The following TRAP1 variants were observed in gnomAD, a reference collection of about 807,000 sequenced individuals.
TRAP1 encodes TNF receptor associated protein 1.
TRAP1 carries 102 observed loss-of-function variants against 89.1 expected under a neutral mutation model. That is an observed-to-expected ratio of 1.15 (90% confidence interval 0.98 to 1.35). The LOEUF (loss-of-function observed/expected upper bound fraction) is 1.35. Ranked by LOEUF, TRAP1 falls within the 40% of genes most tolerant of loss-of-function variation. The probability of loss-of-function intolerance (pLI) is 0.00; values close to 1 mark genes in which losing one functional copy is unlikely to be tolerated. For missense variants in TRAP1, 1,256 were observed against 945.3 expected (o/e 1.33, Z -4.31); for synonymous variants, 508 against 388.0 (o/e 1.31, Z -3.64).
At chr16:3,716,760 TTC>T (rs1245739193) in intron 1 of TRAP1, among the ~76,000 whole-genome samples, 3 of 152,208 alleles carry the variant, frequency 2.0e-5, no homozygotes, top group Non-Finnish European at 4.4e-5. Context: ...GTTAGGGTCG[TTC>T]TCTCTGTTTT....
intron 6 of TRAP1, among the ~76,000 whole-genome samples, 160 bp downstream of exon 6, chr16:3,677,338 C>A (rs2051012198): frequency 6.6e-6 from 1 of 152,118 alleles, no homozygotes; most frequent in African/African-American, 2.4e-5. Context: ...CCACCTGGAG[C>A]CACAAAAGTC....
At chr16:3,671,926 G>A (rs757327999) in intron 10 of TRAP1, 135 bp from the exon 11 acceptor site, 12 of 917,670 alleles carry the variant, frequency 1.3e-5, no homozygotes, top group Non-Finnish European at 1.7e-5. Context: ...CAGGGAGGCG[G>A]CACTGCCGGA....
At chr16:3,704,636 C>G (rs374173421) in intron 1 of TRAP1, among the ~76,000 whole-genome samples, 1 of 152,234 alleles carries the variant, frequency 6.6e-6, no homozygotes, top group African/African-American at 2.4e-5. Flanking sequence ...GAGGCTCCCT[C>G]GAGCTCAGGA....
At chr16:3,694,064 G>A (rs961397705) in intron 1 of TRAP1, among the ~76,000 whole-genome samples, 2 of 151,764 alleles carry the variant, frequency 1.3e-5, no homozygotes, top group Non-Finnish European at 2.9e-5. Context: ...GGTGCCGAGG[G>A]AGAGTCCATC....
chr16:3,700,455 C>A (rs1231418776), intron 1 of TRAP1, among the ~76,000 whole-genome samples: 3 of 151,310 alleles, frequency 2.0e-5, no homozygotes, highest in Admixed American at 6.6e-5. Flanking sequence ...GTGTGAGCCA[C>A]CACGCCCAGA....
At chr16:3,686,373 G>A (rs1249712917) in intron 3 of TRAP1, among the ~76,000 whole-genome samples, 1 of 152,168 alleles carries the variant, frequency 6.6e-6, no homozygotes, top group Non-Finnish European at 1.5e-5. Flanking sequence ...ACTCAGGCTG[G>A]AGGCTGCAAT....
At chr16:3,680,003 G>T (rs1001451294) in intron 4 of TRAP1, 4 of 529,258 alleles carry the variant, frequency 7.6e-6, no homozygotes, top group Non-Finnish European at 1.4e-5. Flanking sequence ...GCCAAGGCAG[G>T]CGGATCACTT....
intron 6 of TRAP1, 92 bp downstream of exon 6, chr16:3,677,406 T>A (rs2051012996): frequency 1.3e-6 from 2 of 1,517,086 alleles, no homozygotes; most frequent in South Asian, 1.1e-5. Flanking sequence ...AAAATGCCTG[T>A]GTACGTTTTC....
rs577435806 is a variant in TRAP1, at chr16:3,705,364, C to T, written c.88+12057G>A. 5.3e-5 allele frequency among the ~76,000 whole-genome samples: 8 copies of T among 152,130 alleles called. 1 individual carries two copies. Among genetic ancestry groups the T allele is most frequent in the Admixed American group, 3.3e-4 (5 of 15,258 alleles). On this transcript the variant is annotated intron_variant, in intron 1 of 17. Coordinates refer to ENST00000246957, the MANE Select transcript of TRAP1 (RefSeq NM_016292.3). ...GATTACAGGCATGAGCCACCATGCC[C>T]GGACAACTACAGAACATTTTTATCA...
rs2051052824 is a variant in TRAP1 at position 3,679,912 on chromosome 16, A to G, written c.472-122T>C. 3 of 831,440 alleles carry G rather than the reference A, an allele frequency of 3.6e-6. No individual in the cohort carries two copies. The East Asian group carries it at 7.9e-5, about 22-fold the overall frequency. The allele number at this position is 831,440 out of a possible 1,614,324, so 51.5% of individuals were successfully genotyped here. On this transcript the variant is annotated intron_variant, in intron 4 of 17. Coordinates refer to ENST00000246957, the MANE Select transcript of TRAP1 (RefSeq NM_016292.3). ...TTGGCCAGACAGGGCCCAGCCAGGT[A>G]GCACCAGATGCTCATCAGAAAAGAC...
rs757804703 is a variant in TRAP1, at chr16:3,665,966, T to C, written c.1383+5A>G. The C allele has an allele frequency of 1.2e-6, 2 of 1,612,270 alleles. No homozygotes were observed. The highest frequency in any genetic ancestry group is 1.3e-5 in the African/African-American group (1 of 74,866). ...AGAAAAAGGCCTGGAACACAGCTCC[T>C]ATACCTTGACCTCCTGCTCGGTGGC... On this transcript the variant is annotated splice_donor_5th_base_variant and intron_variant, in intron 12 of 17. Transcript: ENST00000246957.
chr16:3,689,253 T>C, intron 2 of TRAP1, 116 bp from the exon 3 acceptor site: 1 of 938,354 alleles, frequency 1.1e-6, no homozygotes, highest in Non-Finnish European at 1.5e-6. Flanking sequence ...TTTTTTTTTT[T>C]TTTTTTTTTG....
chr16:3,702,381 G>A (rs1249251174), intron 1 of TRAP1, among the ~76,000 whole-genome samples: 1 of 151,840 alleles, frequency 6.6e-6, no homozygotes, highest in East Asian at 1.9e-4. Flanking sequence ...AGGGGCCACT[G>A]TGCTGCTTCA....
intron 7 of TRAP1, among the ~76,000 whole-genome samples, chr16:3,675,827 A>G (rs994883355): frequency 1.3e-5 from 2 of 152,222 alleles, no homozygotes; most frequent in Non-Finnish European, 2.9e-5. Context: ...CGCCTCAGCC[A>G]GGCCAGCTTC....
chr16:3,692,908 C>T (rs1430254279), intron 1 of TRAP1, among the ~76,000 whole-genome samples: 1 of 151,568 alleles, frequency 6.6e-6, no homozygotes. Flanking sequence ...CAAAACTTGC[C>T]TATTCTTTAG....
chr16:3,712,118 G>A (rs566137852), intron 1 of TRAP1, among the ~76,000 whole-genome samples: 6 of 151,588 alleles, frequency 4.0e-5, no homozygotes, highest in African/African-American at 7.3e-5. Flanking sequence ...GTGAAACCTC[G>A]TCTCTACTAA....
intron 1 of TRAP1, among the ~76,000 whole-genome samples, chr16:3,699,486 A>AT (rs34590817): frequency 3.2e-4 from 48 of 150,210 alleles, no homozygotes; most frequent in African/African-American, 1.2e-3. Context: ...AAAATACAAA[A>AT]TTAGCACTGG....
At chr16:3,697,946 GC>G (rs1218264269) in intron 1 of TRAP1, among the ~76,000 whole-genome samples, 3 of 151,462 alleles carry the variant, frequency 2.0e-5, no homozygotes, top group African/African-American at 7.3e-5. Context: ...GCACCACCAT[GC>G]CCGGCTAACT....
intron 1 of TRAP1, among the ~76,000 whole-genome samples, chr16:3,702,805 G>A (rs759835533): frequency 2.0e-5 from 3 of 151,656 alleles, no homozygotes; most frequent in Non-Finnish European, 4.4e-5. Context: ...CACTTTGGGA[G>A]GCTGTGGTAG....
Sources: allele counts gnomAD v4.1 joint callset (sites outside exome capture counted in the v4.1 genomes callset), GRCh38; gene constraint gnomAD v4.1.1; transcripts MANE v1.5; gene names NCBI Gene and HGNC (gene_info 2026-07-23, HGNC 2026-07-21).